Variants in GAB2 observed in about 807,000 individuals in gnomAD.
GAB2 encodes GRB2-associated-binding protein 2.
GAB2 carries 26 observed loss-of-function variants against 65.5 expected under a neutral mutation model. The ratio of observed to expected loss-of-function variants is 0.40; its 90% CI spans 0.29 to 0.55. The LOEUF (loss-of-function observed/expected upper bound fraction) is 0.55, where lower values mean the gene tolerates loss of function less well. GAB2 is among the 20% of genes least tolerant of loss of function. The pLI is 0.53. For synonymous variants in GAB2, 321 were observed against 329.6 expected, an observed-to-expected ratio of 0.97 and a Z score of 0.28; for missense variants, 884 against 875.8, an observed-to-expected ratio of 1.01 and a Z score of -0.12.
At chr11:78,399,397 A>T (rs1480826168) in intron 1 of GAB2, among the ~76,000 whole-genome samples, 1 of 152,240 alleles carries the variant, frequency 6.6e-6, no homozygotes. Context: ...GTTACCACTT[A>T]CTGAGAAGTT....
At chr11:78,269,272 T>C (rs528458244) in intron 2 of GAB2, among the ~76,000 whole-genome samples, 1 of 152,142 alleles carries the variant, frequency 6.6e-6, no homozygotes, top group African/African-American at 2.4e-5. Context: ...CCAACAAGGG[T>C]TCCCCAGAGG....
At chr11:78,292,545 CTGATCTCACTTCTGAACATA>C (rs1866710275) in intron 1 of GAB2, among the ~76,000 whole-genome samples, 1 of 152,218 alleles carries the variant, frequency 6.6e-6, no homozygotes, top group Non-Finnish European at 1.5e-5. Context: ...ACAGGGGAAT[CTGATCTCACTTCTGAACATA>C]TGATGTACAA....
chr11:78,407,810 G>A (rs1844120350), intron 1 of GAB2, among the ~76,000 whole-genome samples: 1 of 151,846 alleles, frequency 6.6e-6, no homozygotes, highest in Non-Finnish European at 1.5e-5. Context: ...GAAAAAGAGG[G>A]CATTTTACCT....
chr11:78,274,184 G>T (rs1435373551), intron 2 of GAB2, among the ~76,000 whole-genome samples: 1 of 152,172 alleles, frequency 6.6e-6, no homozygotes, highest in Non-Finnish European at 1.5e-5. Context: ...TGAGGTGGGA[G>T]GATCACTTGA....
chr11:78,225,749 T>C (rs1308102539), intron 4 of GAB2, among the ~76,000 whole-genome samples: 4 of 152,194 alleles, frequency 2.6e-5, no homozygotes, highest in African/African-American at 9.7e-5. Flanking sequence ...TGCAACTCTA[T>C]TTAAGTCTCT....
chr11:78,312,155 A>C (rs1216621140), intron 1 of GAB2, among the ~76,000 whole-genome samples: 1 of 151,742 alleles, frequency 6.6e-6, no homozygotes, highest in Non-Finnish European at 1.5e-5. Context: ...TGTTTACTGT[A>C]AACTCTGAGC....
At chr11:78,385,605 TACCAGAGA>T (rs754380487) in intron 1 of GAB2, among the ~76,000 whole-genome samples, 15 of 152,182 alleles carry the variant, frequency 9.9e-5, no homozygotes, top group Non-Finnish European at 1.6e-4. Context: ...CCTTATTAAA[TACCAGAGA>T]ACTCACACAG....
chr11:78,329,303 A>G (rs1855876769), intron 1 of GAB2, among the ~76,000 whole-genome samples: 3 of 152,192 alleles, frequency 2.0e-5, no homozygotes, highest in African/African-American at 7.2e-5. Context: ...GGCTCTTTAT[A>G]TTAATTAAAA....
chr11:78,375,313 G>C (rs1307531548), intron 1 of GAB2, among the ~76,000 whole-genome samples: 2 of 152,116 alleles, frequency 1.3e-5, no homozygotes, highest in African/African-American at 4.8e-5. Context: ...CTTTCATTTT[G>C]AAATGGGGTT....
intron 1 of GAB2, among the ~76,000 whole-genome samples, chr11:78,406,841 C>A (rs1857051844): frequency 6.6e-6 from 1 of 151,872 alleles, no homozygotes; most frequent in Non-Finnish European, 1.5e-5. Context: ...ATGCTTGGAA[C>A]AAATGGAAAA....
At chr11:78,373,305 T>C (rs1856595506) in intron 1 of GAB2, among the ~76,000 whole-genome samples, 1 of 150,430 alleles carries the variant, frequency 6.6e-6, no homozygotes, top group Non-Finnish European at 1.5e-5. Flanking sequence ...AATGGCGGAA[T>C]CTCAGCTCAC....
rs147562380 is a variant in GAB2, at chr11:78,293,796, G to A, written c.76-12895C>T. ...CCTGAAGTTGCAGGAACCACTATTT[G>A]TCGCCTAAGAACAGCCAACCGAGAG... On this transcript the variant is annotated intron_variant, in intron 1 of 9. Transcript: ENST00000361507. 1.3e-4 allele frequency among the ~76,000 whole-genome samples: 20 copies of A among 152,310 alleles called. No individual in the cohort carries two copies. The East Asian group carries it at 3.7e-3, about 28-fold the overall frequency.
intron 1 of GAB2, among the ~76,000 whole-genome samples, chr11:78,303,435 T>C (rs1867088156): frequency 6.6e-6 from 1 of 152,226 alleles, no homozygotes; most frequent in East Asian, 1.9e-4. Context: ...ATCCTTTTCT[T>C]ATCAAATTAC....
At chr11:78,330,451 G>A (rs770458516) in intron 1 of GAB2, among the ~76,000 whole-genome samples, 1 of 152,114 alleles carries the variant, frequency 6.6e-6, no homozygotes, top group Non-Finnish European at 1.5e-5. Flanking sequence ...ACCTTACTTT[G>A]GGCCAAGCAC....
intron 1 of GAB2, among the ~76,000 whole-genome samples, chr11:78,286,596 T>A (rs528595332): frequency 2.6e-5 from 4 of 151,818 alleles, no homozygotes; most frequent in African/African-American, 4.8e-5. Context: ...TTTTTTTCAT[T>A]CCATGAATAT....
intron 1 of GAB2, among the ~76,000 whole-genome samples, chr11:78,324,127 A>G (rs1457557578): frequency 3.3e-5 from 5 of 151,718 alleles, no homozygotes; most frequent in Non-Finnish European, 7.4e-5. Context: ...TTAAAGAGGC[A>G]TGTTCTTAAA....
chr11:78,230,010 G>A (rs1028458359), intron 3 of GAB2, among the ~76,000 whole-genome samples: 1 of 152,086 alleles, frequency 6.6e-6, no homozygotes, highest in African/African-American at 2.4e-5. Flanking sequence ...CCTATATTAG[G>A]CACCATTACT....
intron 1 of GAB2, among the ~76,000 whole-genome samples, chr11:78,301,358 C>CT (rs1324538394): frequency 7.2e-6 from 1 of 139,356 alleles, no homozygotes; most frequent in East Asian, 2.3e-4. Flanking sequence ...GAGACAGAGT[C>CT]TTGCACTGTC....
intron 1 of GAB2, among the ~76,000 whole-genome samples, chr11:78,372,373 C>A (rs1164999733): frequency 6.6e-6 from 1 of 152,164 alleles, no homozygotes; most frequent in African/African-American, 2.4e-5. Context: ...GGAAAGACAT[C>A]CAAGTCTTGT....
Sources: allele counts gnomAD v4.1 joint callset (sites outside exome capture counted in the v4.1 genomes callset), GRCh38; gene constraint gnomAD v4.1.1; transcripts MANE v1.5; gene names NCBI Gene and HGNC (gene_info 2026-07-23, HGNC 2026-07-21).